OS9: variants seen among roughly 807,000 people sequenced by gnomAD.
OS9 encodes protein OS-9.
Under a neutral mutation model 84.7 loss-of-function variants are expected in OS9, and 58 were observed. The ratio of observed to expected loss-of-function variants is 0.68; its 90% CI spans 0.55 to 0.85. The LOEUF is 0.85. Ranked by LOEUF, OS9 falls within the 40% of genes least tolerant of loss-of-function variation. The pLI, the probability that OS9 is intolerant of heterozygous loss-of-function variation, is 0.00. For missense variants in OS9, 760 were observed against 850.9 expected, an observed-to-expected ratio of 0.89 and a Z score of 1.33; for synonymous variants, 278 against 320.8, an observed-to-expected ratio of 0.87 and a Z score of 1.43.
chr12:57,716,742 A>G lies in OS9; in HGVS notation c.1043A>G (p.Asn348Ser), dbSNP rs776958200. The G allele has an allele frequency of 1.7e-5, 27 of 1,613,200 alleles. No homozygotes were observed. Among genetic ancestry groups the G allele is most frequent in the African/African-American group, 1.1e-4 (8 of 74,900 alleles). Residue 348 changes from asparagine (N) to serine (S), a missense_variant and splice_region_variant, in exon 9 of 15, where the codon AAT becomes AGT. Transcript: ENST00000315970. ...GCAGATTCAGCTTCTGGTGCTCCCA[A>G]TGGTGAGTGAACCTTCCATGTCTCC... is the stretch of plus-strand genomic sequence containing the variant. ...EAADSASGAP[N>S]DFQNNVQVKV...
intron 5 of OS9, among the ~76,000 whole-genome samples, chr12:57,701,788 G>GTTTGT (rs56300326): frequency 0.57 from 86,146 of 150,346 alleles, 25,561 homozygotes; most frequent in Middle Eastern, 0.68. Context: ...TCAATTTTTT[G>GTTTGT]TTTGTTTTGT....
chr12:57,703,650 A>C (rs1234905107), intron 5 of OS9, among the ~76,000 whole-genome samples: 1 of 152,128 alleles, frequency 6.6e-6, no homozygotes, highest in African/African-American at 2.4e-5. Flanking sequence ...TTTTGATTAT[A>C]GTAGCTTTGT....
Position 57,695,836 on chromosome 12 carries a change from C to G in OS9, c.396C>G (p.His132Gln). 4 of 1,609,312 alleles carry G rather than the reference C, an allele frequency of 2.5e-6. No homozygotes were observed. Among genetic ancestry groups the G allele is most frequent in the Non-Finnish European group, 2.6e-6 (3 of 1,175,594 alleles). ...ATGGACGCCACATCCAGCAATACCACATGGAAGGTAACTCACTCCTATATT... is the reference window on the plus strand; with the variant it reads ...ATGGACGCCACATCCAGCAATACCAGATGGAAGGTAACTCACTCCTATATT... ...FCYGRHIQQY[H>Q]MEDSEIKGEV... The change falls in exon 3 of 15, where the codon CAC (histidine) becomes CAG (glutamine). Residue 132 changes from histidine (H) to glutamine (Q), a missense_variant. His to Gln is a conservative substitution (Grantham distance 24). Transcript: ENST00000315970.
intron 9 of OS9, 55 bp from the exon 10 acceptor site, chr12:57,717,815 A>T: frequency 9.8e-7 from 1 of 1,015,666 alleles, no homozygotes; most frequent in African/African-American, 1.7e-5. Flanking sequence ...AAAAAAAAAA[A>T]AAAAGAATTT....
intron 1 of OS9, 76 bp downstream of exon 1, chr12:57,694,399 G>C (rs1460772184): frequency 1.4e-6 from 2 of 1,466,114 alleles, no homozygotes; most frequent in Non-Finnish European, 1.9e-6. Flanking sequence ...GGGCAGCTCC[G>C]GAGTCTGGGG....
intron 7 of OS9, 49 bp from the exon 8 acceptor site, chr12:57,716,363 G>T (rs1256232193): frequency 2.5e-5 from 36 of 1,465,486 alleles, no homozygotes; most frequent in Non-Finnish European, 3.0e-5. Context: ...GCTCCCTTCT[G>T]TCTCACCCCT....
At position 57,714,590 on chromosome 12, in the gene OS9, G is replaced by A. The variant is rs145138092; in HGVS notation, c.580-1170G>A. Among the ~76,000 whole-genome samples, 188 of 152,174 alleles carry A rather than the reference G, an allele frequency of 1.2e-3. 2 individuals carry two copies. Among genetic ancestry groups the A allele is most frequent in the Middle Eastern group, 6.8e-3 (2 of 294 alleles). On this transcript the variant is annotated intron_variant, in intron 5 of 14. Coordinates refer to ENST00000315970, the MANE Select transcript of OS9 (RefSeq NM_006812.4). The stretch of plus-strand genomic sequence containing the variant: ...CCTCATGCTGCCATTTCAGAAGTAG[G>A]ACCGCTCCCACTTTTTGTTTTTGAG...
intron 2 of OS9, 72 bp from the exon 3 acceptor site, chr12:57,695,708 G>T: frequency 1.1e-6 from 1 of 928,894 alleles, no homozygotes; most frequent in East Asian, 2.4e-5. Flanking sequence ...GTGTCTTGGA[G>T]CCAGGAGACT....
In OS9 at chr12:57,696,298, A is replaced by G. The variant is rs1208514461; in HGVS notation, c.504A>G (p.Lys168=). Residue 168 remains lysine (K), a synonymous_variant, in exon 5 of 15, where the codon AAA becomes AAG. Transcript: ENST00000315970. ...TAKASKQHRL[K]RYHSQTYGNG... ...AGGCCTCCAAGCAGCATCGTCTTAA[A>G]CGCTACCACAGCCAGACCTATGGCA... is the stretch of plus-strand genomic sequence containing the variant. 3 of 1,613,352 alleles carry G rather than the reference A, an allele frequency of 1.9e-6. No individual in the cohort carries two copies. The highest frequency in any genetic ancestry group is 2.5e-6 in the Non-Finnish European group (3 of 1,179,674).
rs1460402885 is a variant in OS9 at position 57,721,073 on chromosome 12, G to C, written c.*164G>C. 3 of 723,112 alleles carry C rather than the reference G, an allele frequency of 4.1e-6. No individual in the cohort carries two copies. Among genetic ancestry groups the C allele is most frequent in the Non-Finnish European group, 4.5e-6 (2 of 444,350 alleles). The allele number at this position is 723,112 out of a possible 1,614,324, so 44.8% of individuals were successfully genotyped here. Reference sequence around the variant, plus strand: ...GTGGGTGTGGGGGCCCTGGGTGAATGCTGCTGCCCCTGCTGGCAGCCACCT... The same window carrying C: ...GTGGGTGTGGGGGCCCTGGGTGAATCCTGCTGCCCCTGCTGGCAGCCACCT... On this transcript the variant is annotated 3_prime_UTR_variant, in exon 15 of 15. Coordinates refer to ENST00000315970, the MANE Select transcript of OS9 (RefSeq NM_006812.4).
chr12:57,720,866 C>T lies in OS9; in HGVS notation c.1961C>T (p.Pro654Leu). ...AATTACCGCCGGGTGTGGGGCTCTC[C>T]AGGTGGGGAGGGCACAGGGGACCTG... is the stretch of plus-strand genomic sequence containing the variant. Reference protein sequence around the residue: ...ESNYRRVWGSPGGEGTGDLDE... With the variant: ...ESNYRRVWGSLGGEGTGDLDE... The change falls in exon 15 of 15, where the codon CCA becomes CTA. Residue 654 changes from proline to leucine, a missense_variant. By Grantham distance (98) the Pro-to-Leu change is moderately conservative. Coordinates refer to ENST00000315970, the MANE Select transcript of OS9 (RefSeq NM_006812.4). The T allele has an allele frequency of 6.2e-7, 1 of 1,614,134 alleles. No homozygotes were observed. Among genetic ancestry groups the T allele is most frequent in the Non-Finnish European group, 8.5e-7 (1 of 1,179,986 alleles).
At chr12:57,716,342 C>A in intron 7 of OS9, 70 bp from the exon 8 acceptor site, 1 of 1,304,788 alleles carries the variant, frequency 7.7e-7, no homozygotes, top group South Asian at 1.3e-5. Flanking sequence ...GGAAGGGACC[C>A]CATCCTATTT....
At chr12:57,718,114 A>C (rs1006136736) in intron 10 of OS9, 32 bp from the exon 11 acceptor site, 1 of 1,602,394 alleles carries the variant, frequency 6.2e-7, no homozygotes, top group Non-Finnish European at 8.5e-7. Flanking sequence ...TGAAACCCCA[A>C]CTGTCTTTCT....
rs768941674 is a variant in OS9, at chr12:57,720,933, C to T, written c.*24C>T. 5.0e-6 allele frequency: 8 copies of T among 1,613,680 alleles called. No homozygotes were observed. In the East Asian group the frequency reaches 1.8e-4, roughly 36 times the overall value. ...GAGACCAACACTACACTTGACCCTTCACGGAATCCAGACTCTTCCTGGACT... is the reference window on the plus strand; with the variant it reads ...GAGACCAACACTACACTTGACCCTTTACGGAATCCAGACTCTTCCTGGACT... On this transcript the variant is annotated 3_prime_UTR_variant, in exon 15 of 15. Coordinates refer to ENST00000315970, the MANE Select transcript of OS9 (RefSeq NM_006812.4).
intron 5 of OS9, among the ~76,000 whole-genome samples, chr12:57,699,247 C>T (rs1953950926): frequency 6.6e-6 from 1 of 152,120 alleles, no homozygotes; most frequent in African/African-American, 2.4e-5. Context: ...GTAGAGATTT[C>T]CAAGGGGGCT....
Position 57,715,856 on chromosome 12 carries a change from C to A in OS9, c.676C>A (p.Arg226=). 1 of 1,613,882 alleles carries A rather than the reference C, an allele frequency of 6.2e-7. No homozygotes were observed. Among genetic ancestry groups the A allele is most frequent in the East Asian group, 2.2e-5 (1 of 44,894 alleles). Residue 226 remains arginine, a synonymous_variant, in exon 6 of 15, where the codon CGG becomes AGG. Coordinates refer to ENST00000315970, the MANE Select transcript of OS9 (RefSeq NM_006812.4). Reference sequence around the variant, plus strand: ...TTATGTGCTGACCATTCGCACTCCTCGGCTCTGCCCCCACCCTCTCCTCCG... The same window carrying A: ...TTATGTGCTGACCATTCGCACTCCTAGGCTCTGCCCCCACCCTCTCCTCCG... ...CSYVLTIRTP[R]LCPHPLLRPP... is the part of the protein sequence containing the mutation.
chr12:57,708,182 T>A (rs1427031003), intron 5 of OS9, among the ~76,000 whole-genome samples: 1 of 152,194 alleles, frequency 6.6e-6, no homozygotes, highest in Non-Finnish European at 1.5e-5. Flanking sequence ...TTAAAAGGTA[T>A]ACAGAGAAAA....
intron 5 of OS9, among the ~76,000 whole-genome samples, chr12:57,707,012 A>G (rs1954189545): frequency 6.6e-6 from 1 of 152,148 alleles, no homozygotes; most frequent in African/African-American, 2.4e-5. Context: ...TTAATAAAGT[A>G]TAATTTCATA....
intron 5 of OS9, among the ~76,000 whole-genome samples, chr12:57,707,559 CA>C (rs889936674): frequency 5.3e-5 from 8 of 152,114 alleles, no homozygotes; most frequent in African/African-American, 1.9e-4. Flanking sequence ...CCACTATGCC[CA>C]GCTAATTTTT....
Sources: gnomAD v4.1 joint callset for allele counts (sites outside exome capture counted in the v4.1 genomes callset) on GRCh38, gnomAD v4.1.1 for gene constraint, MANE v1.5 for transcripts, NCBI Gene and HGNC (gene_info 2026-07-23, HGNC 2026-07-21) for gene names.